LRP1B: variants seen among roughly 807,000 people sequenced by gnomAD.
LRP1B encodes the protein low-density lipoprotein receptor-related protein 1B.
A neutral mutation model predicts 556.6 loss-of-function variants in LRP1B; 217 were observed. The ratio of observed to expected loss-of-function variants is 0.39; its 90% CI spans 0.35 to 0.44. The LOEUF is 0.44. LRP1B is among the 20% of genes least tolerant of loss of function. The pLI, the probability that LRP1B is intolerant of heterozygous loss-of-function variation, is 1.00. For synonymous variants in LRP1B, 2,047 were observed against 1,865.8 expected, an observed-to-expected ratio of 1.10 and a Z score of -2.50; for missense variants, 5,053 against 5,620.8, an observed-to-expected ratio of 0.90 and a Z score of 3.23.
chr2:142,100,977 A>T (rs1706548514), intron 1 of LRP1B, among the ~76,000 whole-genome samples: 1 of 152,024 alleles, frequency 6.6e-6, no homozygotes, highest in African/African-American at 2.4e-5. Flanking sequence ...AGAGAGGGAA[A>T]GAGGAGTTCT....
chr2:140,386,271 A>G (rs1399336330), intron 66 of LRP1B, among the ~76,000 whole-genome samples: 1 of 152,222 alleles, frequency 6.6e-6, no homozygotes, highest in Non-Finnish European at 1.5e-5. Context: ...AACACAAATC[A>G]GTTTTTAAAA....
At position 141,178,165 on chromosome 2, in the gene LRP1B, G is replaced by A. The variant is rs570774498; in HGVS notation, c.1013+10256C>T. ...ATAAACAGTTTATGAAATACACAGA[G>A]CCCCAGGGGCAGGATATTCCCCATT... On this transcript the variant is annotated intron_variant, in intron 7 of 90. Coordinates refer to ENST00000389484, the MANE Select transcript of LRP1B (RefSeq NM_018557.3). Among the ~76,000 whole-genome samples the A allele has an allele frequency of 7.9e-5, 12 of 152,188 alleles. No individual in the cohort carries two copies. In the East Asian group the frequency reaches 2.3e-3, roughly 30 times the overall value.
At chr2:141,984,423 C>T (rs186337264) in intron 1 of LRP1B, among the ~76,000 whole-genome samples, 2 of 152,074 alleles carry the variant, frequency 1.3e-5, no homozygotes, top group African/African-American at 4.8e-5. Flanking sequence ...AAGAGACCAG[C>T]TCAAGATAGA....
At chr2:140,578,310 G>T (rs1681616205) in intron 43 of LRP1B, among the ~76,000 whole-genome samples, 2 of 151,946 alleles carry the variant, frequency 1.3e-5, no homozygotes, top group Admixed American at 6.6e-5. Flanking sequence ...AACTTTTTAG[G>T]TGGGGGCGGA....
chr2:141,409,447 G>A (rs987456835), intron 3 of LRP1B, among the ~76,000 whole-genome samples: 1 of 152,022 alleles, frequency 6.6e-6, no homozygotes, highest in Non-Finnish European at 1.5e-5. Context: ...TGTATATAAA[G>A]CTCTAGTACA....
chr2:140,893,269 C>A (rs1479170228), intron 23 of LRP1B, among the ~76,000 whole-genome samples: 1 of 152,160 alleles, frequency 6.6e-6, no homozygotes, highest in Admixed American at 6.5e-5. Context: ...TAATCATTTG[C>A]TGCAAAATGT....
intron 2 of LRP1B, among the ~76,000 whole-genome samples, chr2:141,803,796 A>T (rs1286543990): frequency 1.3e-5 from 2 of 152,130 alleles, no homozygotes; most frequent in East Asian, 1.9e-4. Flanking sequence ...TCTCTGACCT[A>T]TGTCAAAGAT....
chr2:140,455,189 G>A (rs1336316983), intron 62 of LRP1B, among the ~76,000 whole-genome samples: 2 of 152,018 alleles, frequency 1.3e-5, no homozygotes, highest in Non-Finnish European at 2.9e-5. Flanking sequence ...TACATTTCCA[G>A]CTCTTTAAAA....
intron 41 of LRP1B, among the ~76,000 whole-genome samples, chr2:140,658,752 C>A (rs1262267286): frequency 6.6e-6 from 1 of 151,886 alleles, no homozygotes; most frequent in East Asian, 1.9e-4. Context: ...GGGTTCTTTG[C>A]GGGTTCTGTA....
chr2:142,026,352 C>T (rs184014850), intron 1 of LRP1B, among the ~76,000 whole-genome samples: 86 of 152,162 alleles, frequency 5.7e-4, no homozygotes, highest in Admixed American at 1.4e-3. Flanking sequence ...TGAAAAGACA[C>T]GCCAGGTGAC....
At chr2:141,375,967 G>A (rs1375577662) in intron 3 of LRP1B, among the ~76,000 whole-genome samples, 1 of 152,176 alleles carries the variant, frequency 6.6e-6, no homozygotes, top group Non-Finnish European at 1.5e-5. Context: ...CAGGCAAGCA[G>A]TGTGGGCAAG....
At chr2:141,263,221 T>C (rs760420761) in intron 3 of LRP1B, among the ~76,000 whole-genome samples, 17 of 152,038 alleles carry the variant, frequency 1.1e-4, no homozygotes, top group Non-Finnish European at 2.2e-4. Context: ...TATATTGAAC[T>C]TGTATCATGT....
rs1044873711 is a variant in LRP1B at position 140,604,921 on chromosome 2, T to C, written c.6800-3282A>G. ...CCTGTCACCATGTAAGATGTGCCTT[T>C]GCTGTTCTTTCACTCTCCACCATGA... On this transcript the variant is annotated intron_variant, in intron 41 of 90. Transcript: ENST00000389484. Among the ~76,000 whole-genome samples the C allele has an allele frequency of 2.1e-4, 32 of 152,164 alleles. 1 individual carries two copies. The highest frequency in any genetic ancestry group is 1.0e-3 in the Admixed American group (16 of 15,260).
At chr2:141,432,899 C>T (rs10199890) in intron 3 of LRP1B, among the ~76,000 whole-genome samples, 4,829 of 151,972 alleles carry the variant, frequency 0.032, 138 homozygotes, top group South Asian at 0.087. Flanking sequence ...TTAATTTCCA[C>T]TCTAGTCTGT....
chr2:140,320,588 A>ATT (rs370919427), intron 82 of LRP1B, among the ~76,000 whole-genome samples: 2 of 145,322 alleles, frequency 1.4e-5, no homozygotes, highest in South Asian at 2.2e-4. Context: ...GGAGCGCTAC[A>ATT]TTTTTTTTTT....
In LRP1B at chr2:140,748,117, AT is replaced by A. The variant is rs1559093576; in HGVS notation, c.5758+21095del. Among the ~76,000 whole-genome samples, 1,130 of 132,994 alleles carry A rather than the reference AT, an allele frequency of 8.5e-3. 35 individuals carry two copies. Among genetic ancestry groups the A allele is most frequent in the African/African-American group, 0.029 (1,038 of 35,620 alleles). 87.2% of individuals were successfully genotyped at this position (132,994 alleles called of 152,430 possible). A position where few individuals can be genotyped will look rare whatever the true frequency, so the allele number is the denominator to read the frequency against. ...AATATATATATATATATATATATAT[AT>A]ATATATATATATATATATAATTCAT... On this transcript the variant is annotated intron_variant, in intron 35 of 90. Coordinates refer to ENST00000389484, the MANE Select transcript of LRP1B (RefSeq NM_018557.3).
intron 2 of LRP1B, among the ~76,000 whole-genome samples, chr2:141,694,646 C>CAA (rs202244154): frequency 6.9e-5 from 9 of 129,748 alleles, no homozygotes; most frequent in Admixed American, 3.9e-4. Context: ...TCGATTGTTT[C>CAA]AAAAAAAAAA....
chr2:140,925,202 C>T (rs1694851851), intron 20 of LRP1B, among the ~76,000 whole-genome samples: 1 of 151,958 alleles, frequency 6.6e-6, no homozygotes, highest in Non-Finnish European at 1.5e-5. Context: ...GAAACCAATC[C>T]CCAGTGTATA....
intron 2 of LRP1B, among the ~76,000 whole-genome samples, chr2:141,533,465 T>TTAGGTAAGTATACATTTATACATGTAC (rs1684961940): frequency 6.6e-6 from 1 of 152,196 alleles, no homozygotes; most frequent in African/African-American, 2.4e-5. Context: ...ACAGGTGCAT[T>TTAGGTAAGTATACATTTATACATGTAC]TAGGTAAGTA....
Sources: gnomAD v4.1 joint callset for allele counts (sites outside exome capture counted in the v4.1 genomes callset) on GRCh38, gnomAD v4.1.1 for gene constraint, MANE v1.5 for transcripts, NCBI Gene and HGNC (gene_info 2026-07-23, HGNC 2026-07-21) for gene names.